The following TMEM260 variants were observed in gnomAD, a reference collection of about 807,000 sequenced individuals.
TMEM260 encodes protein O-mannosyl-transferase TMEM260.
In TMEM260, 82 loss-of-function variants were observed where a neutral mutation model predicts 88.9. The ratio of observed to expected loss-of-function variants is 0.92; its 90% confidence interval spans 0.77 to 1.11. The LOEUF is 1.11. TMEM260 is among the 50% of genes least tolerant of loss of function. TMEM260 has a pLI of 0.00. For missense variants in TMEM260, 902 were observed against 853.4 expected, an observed-to-expected ratio of 1.06 and a Z score of -0.71; for synonymous variants, 314 against 309.3, an observed-to-expected ratio of 1.02 and a Z score of -0.16.
At chr14:56,620,541 A>C (rs1370618570) in intron 10 of TMEM260, among the ~76,000 whole-genome samples, 2 of 152,174 alleles carry the variant, frequency 1.3e-5, no homozygotes, top group Non-Finnish European at 2.9e-5. Context: ...AGGTGTTTTT[A>C]TCTTGTTTTG....
intron 15 of TMEM260, 76 bp from the exon 16 acceptor site, chr14:56,647,165 CCT>C: frequency 6.9e-7 from 1 of 1,459,172 alleles, no homozygotes; most frequent in Non-Finnish European, 9.1e-7. Flanking sequence ...GTTATTAATT[CCT>C]CTGTGTTTTT....
At chr14:56,662,563 A>C in the TMEM260 span, among the ~76,000 whole-genome samples, 1 of 152,200 alleles carries the variant, frequency 6.6e-6, no homozygotes, top group East Asian at 1.9e-4. Flanking sequence ...CCCTGTGCCC[A>C]CTAGAATCCA....
At chr14:56,626,019 A>G (rs1040907626) in intron 12 of TMEM260, among the ~76,000 whole-genome samples, 7 of 152,232 alleles carry the variant, frequency 4.6e-5, no homozygotes, top group Admixed American at 6.5e-5. Context: ...TGTGAATTCT[A>G]TACTTGAGAA....
chr14:56,636,579 T>TCTACG lies in TMEM260; in HGVS notation c.1853_1857dup (p.Gln620ThrfsTer20). 1 of 1,613,988 alleles carries TCTACG rather than the reference T, an allele frequency of 6.2e-7. No homozygotes were observed. Among genetic ancestry groups the TCTACG allele is most frequent in the Non-Finnish European group, 8.5e-7 (1 of 1,179,934 alleles). On this transcript the variant is annotated frameshift_variant, in exon 15 of 16. Transcript: ENST00000261556. LOFTEE classifies it high-confidence loss of function. ...ATGCCTTCAAAAGTGAAAGCTCAACTCTACGCTCAAGCATATGACGTATGT... is the reference window on the plus strand; with the variant it reads ...ATGCCTTCAAAAGTGAAAGCTCAACTCTACGCTACGCTCAAGCATATGACGTATGT...
chr14:56,625,268 T>C (rs1888174627), intron 11 of TMEM260, 114 bp from the exon 12 acceptor site: 3 of 957,714 alleles, frequency 3.1e-6, no homozygotes, highest in Admixed American at 5.3e-5. Context: ...TTTTCAATTA[T>C]ATATATATTA....
chr14:56,584,144 G>C lies in TMEM260; in HGVS notation c.161-857G>C, dbSNP rs1167788564. On this transcript the variant is annotated intron_variant, in intron 1 of 15. Coordinates refer to ENST00000261556, the MANE Select transcript of TMEM260 (RefSeq NM_017799.4). ...CATAGTCCAGGCCAGAGAGAGTAAAGGTCTAAATTGTAGCTGGGACAGAAA... is the reference window on the plus strand; with the variant it reads ...CATAGTCCAGGCCAGAGAGAGTAAACGTCTAAATTGTAGCTGGGACAGAAA... Among the ~76,000 whole-genome samples, 6 of 152,008 alleles carry C rather than the reference G, an allele frequency of 3.9e-5. No homozygotes were observed. In the East Asian group the frequency reaches 1.2e-3, roughly 29 times the overall value.
At chr14:56,609,329 A>C in intron 6 of TMEM260, 44 bp downstream of exon 6, 2 of 1,560,712 alleles carry the variant, frequency 1.3e-6, no homozygotes, top group Non-Finnish European at 1.8e-6. Flanking sequence ...AAGTGGCAAA[A>C]CTTCAGTGCT....
intron 5 of TMEM260, among the ~76,000 whole-genome samples, chr14:56,607,176 T>C (rs766025588): frequency 2.0e-5 from 3 of 152,166 alleles, no homozygotes; most frequent in African/African-American, 7.2e-5. Flanking sequence ...GGCCCAGATA[T>C]TTCTCTTGTG....
intron 11 of TMEM260, among the ~76,000 whole-genome samples, chr14:56,624,998 G>T (rs906830411): frequency 1.3e-5 from 2 of 152,166 alleles, no homozygotes; most frequent in Non-Finnish European, 2.9e-5. Context: ...TTCACAATAG[G>T]TTCACACTCC....
At chr14:56,608,157 G>A (rs1887030808) in intron 5 of TMEM260, among the ~76,000 whole-genome samples, 1 of 152,064 alleles carries the variant, frequency 6.6e-6, no homozygotes, top group African/African-American at 2.4e-5. Flanking sequence ...TTTCAATTAA[G>A]AATGTTTATT....
chr14:56,585,846 G>A lies in TMEM260; in HGVS notation c.278G>A (p.Arg93His), dbSNP rs201468977. ...TLFPFGSIAYRVNLLCGLFGA... is the reference protein window; with the variant it reads ...TLFPFGSIAYHVNLLCGLFGA... ...TTTCCTTTTGGTTCAATTGCCTACC[G>A]CGTCAATCTTCTCTGTGGCTTATTT... Residue 93 changes from arginine (R) to histidine (H), a missense_variant, in exon 3 of 16, where the codon CGC becomes CAC. Coordinates refer to ENST00000261556, the MANE Select transcript of TMEM260 (RefSeq NM_017799.4). 3.3e-5 allele frequency: 53 copies of A among 1,613,342 alleles called. No individual in the cohort carries two copies. Among genetic ancestry groups the A allele is most frequent in the East Asian group, 1.3e-4 (6 of 44,850 alleles).
intron 15 of TMEM260, among the ~76,000 whole-genome samples, chr14:56,640,851 C>A (rs774462123): frequency 1.3e-5 from 2 of 152,176 alleles, no homozygotes; most frequent in Non-Finnish European, 2.9e-5. Context: ...ATGACAAATG[C>A]ACAAGCCTCA....
chr14:56,658,958 G>A, the TMEM260 span, among the ~76,000 whole-genome samples: 1 of 151,802 alleles, frequency 6.6e-6, no homozygotes, highest in African/African-American at 2.4e-5. Flanking sequence ...TTGAACTCCC[G>A]ACCTCAGTTG....
At chr14:56,617,831 A>T (rs1887682046) in intron 9 of TMEM260, among the ~76,000 whole-genome samples, 1 of 152,196 alleles carries the variant, frequency 6.6e-6, no homozygotes, top group Non-Finnish European at 1.5e-5. Flanking sequence ...AGGAAGCCTA[A>T]TAAATAATAC....
At position 56,586,509 on chromosome 14, in the gene TMEM260, T is replaced by C. The variant is rs557310244; in HGVS notation, c.344+597T>C. ...GGAAGTCTACCCTGCTTTTAAAACA[T>C]TGGTCATTAGTTTAGAATGCTGGTA... is the stretch of plus-strand genomic sequence containing the variant. On this transcript the variant is annotated intron_variant, in intron 3 of 15. Coordinates refer to ENST00000261556, the MANE Select transcript of TMEM260 (RefSeq NM_017799.4). Among the ~76,000 whole-genome samples the C allele has an allele frequency of 2.8e-4, 43 of 152,248 alleles. 1 individual carries two copies. The South Asian group carries it at 8.3e-3, about 29-fold the overall frequency.
At position 56,625,478 on chromosome 14, in the gene TMEM260, C is replaced by T. The variant is rs200319870; in HGVS notation, c.1495C>T (p.Pro499Ser). The change falls in exon 12 of 16, where the codon CCT becomes TCT. Residue 499 changes from proline to serine, a missense_variant. Coordinates refer to ENST00000261556, the MANE Select transcript of TMEM260 (RefSeq NM_017799.4). The part of the protein sequence containing the change: ...NRWNPVEGIL[P>S]SGMVTFNLYH... ...GTGGAATCCTGTGGAAGGAATATTACCTAGTGGAATGGTCACATTTAATCT... is the reference window on the plus strand; with the variant it reads ...GTGGAATCCTGTGGAAGGAATATTATCTAGTGGAATGGTCACATTTAATCT... The T allele has an allele frequency of 3.7e-6, 6 of 1,611,430 alleles. No individual in the cohort carries two copies. Among genetic ancestry groups the T allele is most frequent in the African/African-American group, 1.3e-5 (1 of 74,980 alleles).
At position 56,603,803 on chromosome 14, in the gene TMEM260, C is replaced by T; in HGVS notation, c.345-12C>T. The T allele has an allele frequency of 6.2e-7, 1 of 1,613,532 alleles. No individual in the cohort carries two copies. Among genetic ancestry groups the T allele is most frequent in the Non-Finnish European group, 8.5e-7 (1 of 1,179,580 alleles). The stretch of plus-strand genomic sequence containing the variant: ...GTTGGAAAAGAAGATTTCATGTTAT[C>T]TGTGTTTGCAGGCTTTCTGGCTCAT... On this transcript the variant is annotated splice_polypyrimidine_tract_variant and intron_variant, in intron 3 of 15. Transcript: ENST00000261556.
rs1185154484 is a variant in TMEM260 at position 56,648,781 on chromosome 14, C to T, written c.*1284C>T. On this transcript the variant is annotated 3_prime_UTR_variant, in exon 16 of 16. Coordinates refer to ENST00000261556, the MANE Select transcript of TMEM260 (RefSeq NM_017799.4). ...CCATGTAGGCATCTGTCTGGAGTGT[C>T]CTTTGTGATGTCATAAGCTGTTAAG... 1 of 152,582 alleles carries T rather than the reference C, an allele frequency of 6.6e-6. No homozygotes were observed. The highest frequency in any genetic ancestry group is 2.4e-5 in the African/African-American group (1 of 41,412). 9.5% of individuals were successfully genotyped at this position (152,582 alleles called of 1,614,324 possible).
intron 14 of TMEM260, among the ~76,000 whole-genome samples, chr14:56,635,844 A>AATAT (rs3067786): frequency 5.8e-4 from 87 of 150,882 alleles, no homozygotes; most frequent in South Asian, 1.3e-3. Flanking sequence ...AATGATTGCA[A>AATAT]ATATATATAT....
Sources: gnomAD v4.1 joint callset for allele counts (sites outside exome capture counted in the v4.1 genomes callset) on GRCh38, gnomAD v4.1.1 for gene constraint, MANE v1.5 for transcripts, NCBI Gene and HGNC (gene_info 2026-07-23, HGNC 2026-07-21) for gene names.